JAK1: variants seen among roughly 807,000 people sequenced by gnomAD.
JAK1 encodes tyrosine-protein kinase JAK1.
Under a neutral mutation model 136.6 loss-of-function variants are expected in JAK1, and 16 were observed. The observed-to-expected ratio is 0.12, with a 90% CI of 0.08 to 0.18. The LOEUF (loss-of-function observed/expected upper bound fraction) is 0.18. Among genes scored for constraint, JAK1 ranks in the 10% least tolerant of loss-of-function variants. The probability of loss-of-function intolerance (pLI) is 1.00; values close to 1 mark genes in which losing one functional copy is unlikely to be tolerated. For synonymous variants in JAK1, 492 were observed against 519.5 expected (o/e 0.95, Z 0.72); for missense variants, 859 against 1,450.1 (o/e 0.59, Z 6.62).
At chr1:64,902,406 T>C (rs1256346366) in intron 1 of JAK1, among the ~76,000 whole-genome samples, 2 of 151,952 alleles carry the variant, frequency 1.3e-5, no homozygotes, top group East Asian at 3.9e-4. Flanking sequence ...GGATAAAGGA[T>C]AGAGGGAAAT....
chr1:64,855,113 T>TA (rs1478968674), intron 11 of JAK1, among the ~76,000 whole-genome samples: 1 of 152,258 alleles, frequency 6.6e-6, no homozygotes, highest in Admixed American at 6.5e-5. Flanking sequence ...GACTGGACCT[T>TA]ATGCATTTCT....
chr1:65,033,728 A>G (rs1338570301), intron 2 of JAK1, among the ~76,000 whole-genome samples: 1 of 150,260 alleles, frequency 6.7e-6, no homozygotes, highest in Non-Finnish European at 1.5e-5. Context: ...GTAGTACCAA[A>G]AAAAAAAAAA....
intron 11 of JAK1, among the ~76,000 whole-genome samples, chr1:64,851,705 C>T (rs1265233598): frequency 2.0e-5 from 3 of 152,154 alleles, no homozygotes; most frequent in Non-Finnish European, 2.9e-5. Context: ...CTGCAAGGAA[C>T]GAGGTTATCA....
chr1:65,005,183 A>C (rs988481334), intron 2 of JAK1, among the ~76,000 whole-genome samples: 8 of 152,150 alleles, frequency 5.3e-5, no homozygotes, highest in African/African-American at 1.9e-4. Context: ...ATCTCTACTA[A>C]AAATACAAAA....
At chr1:64,962,595 TCCGGTCCCTGAAACCCAGTC>T (rs1218144907) in intron 1 of JAK1, among the ~76,000 whole-genome samples, 2 of 152,206 alleles carry the variant, frequency 1.3e-5, no homozygotes, top group Admixed American at 1.3e-4. Context: ...GGAATTAGTT[TCCGGTCCCTGAAACCCAGTC>T]ATTTCAACAT....
intron 12 of JAK1, among the ~76,000 whole-genome samples, chr1:64,849,634 T>C (rs1232653877): frequency 1.3e-5 from 2 of 152,230 alleles, no homozygotes; most frequent in Non-Finnish European, 2.9e-5. Context: ...CCCCTCAAAA[T>C]AGACAGGAGC....
intron 1 of JAK1, among the ~76,000 whole-genome samples, chr1:64,915,029 T>C (rs1376828032): frequency 6.6e-6 from 1 of 152,194 alleles, no homozygotes; most frequent in Non-Finnish European, 1.5e-5. Context: ...TTACTAGCTA[T>C]GTGACCTTGA....
intron 1 of JAK1, among the ~76,000 whole-genome samples, chr1:64,938,326 A>G (rs1645828360): frequency 6.6e-6 from 1 of 152,216 alleles, no homozygotes. Flanking sequence ...ACTATAATAG[A>G]AAGGCTCTTT....
intron 2 of JAK1, chr1:64,992,047 T>C (rs932637329): frequency 6.6e-6 from 1 of 152,134 alleles, no homozygotes. Context: ...AAAATCCCAA[T>C]AGCTTTTTTG....
intron 2 of JAK1, among the ~76,000 whole-genome samples, chr1:65,040,473 A>T (rs966592929): frequency 2.0e-5 from 3 of 152,112 alleles, no homozygotes. Context: ...ATCCATAGTA[A>T]TCTCTCGACC....
chr1:64,895,876 G>A (rs542094531), intron 1 of JAK1, among the ~76,000 whole-genome samples: 8 of 152,252 alleles, frequency 5.3e-5, no homozygotes, highest in East Asian at 3.9e-4. Context: ...GGGATGCTTC[G>A]TACAACCAAA....
chr1:65,042,278 G>A (rs1325813727), intron 2 of JAK1, among the ~76,000 whole-genome samples: 1 of 152,036 alleles, frequency 6.6e-6, no homozygotes, highest in Non-Finnish European at 1.5e-5. Flanking sequence ...TTATTATCAG[G>A]AACTTCAGCT....
chr1:64,906,316 A>T (rs1356187248), intron 1 of JAK1, among the ~76,000 whole-genome samples: 3 of 151,694 alleles, frequency 2.0e-5, no homozygotes, highest in Non-Finnish European at 4.4e-5. Context: ...AAAAAAAAAA[A>T]TCCCAACTAC....
At chr1:64,846,949 G>A (rs562859092) in intron 13 of JAK1, 2 of 575,472 alleles carry the variant, frequency 3.5e-6, no homozygotes, top group South Asian at 2.2e-5. Flanking sequence ...GGTTTATTTA[G>A]AAAACCTAAC....
At chr1:64,894,671 GGAGGCT>G (rs1186777007) in intron 1 of JAK1, among the ~76,000 whole-genome samples, 1 of 152,150 alleles carries the variant, frequency 6.6e-6, no homozygotes, top group Non-Finnish European at 1.5e-5. Context: ...CAGCTACTCA[GGAGGCT>G]GAGGCAGGAG....
intron 1 of JAK1, among the ~76,000 whole-genome samples, chr1:64,951,753 G>A (rs573671354): frequency 1.6e-4 from 23 of 144,968 alleles, no homozygotes; most frequent in African/African-American, 4.4e-4. Context: ...CCACCTCCCG[G>A]GTTCACGCCA....
At chr1:64,973,801 A>C (rs1032422859) in intron 2 of JAK1, 1 of 152,068 alleles carries the variant, frequency 6.6e-6, no homozygotes, top group African/African-American at 2.4e-5. Flanking sequence ...GCCCTTTTCT[A>C]TTGCTTAGTA....
At chr1:64,966,597 C>G (rs1161351771), upstream of JAK1, 1 of 147,892 alleles carries the variant, frequency 6.8e-6, no homozygotes, top group Non-Finnish European at 1.5e-5. Context: ...GCCCCACCCC[C>G]GTGGCCGCCG....
chr1:64,860,306 T>A lies in JAK1; in HGVS notation c.1177-44A>T, dbSNP rs770477749. ...TTCCCACGGTTACATCATGTCTCTA[T>A]CAGCTTAAGTGGCTGACTCTGTAGG... On this transcript the variant is annotated intron_variant, in intron 8 of 24. Transcript: ENST00000342505. The A allele has an allele frequency of 4.6e-6, 7 of 1,534,574 alleles. No individual in the cohort carries two copies. The African/African-American group carries it at 9.6e-5, about 21-fold the overall frequency.
Sources: gnomAD v4.1 joint callset for allele counts (sites outside exome capture counted in the v4.1 genomes callset) on GRCh38, gnomAD v4.1.1 for gene constraint, MANE v1.5 for transcripts, NCBI Gene and HGNC (gene_info 2026-07-23, HGNC 2026-07-21) for gene names.